The following CSNK2A1 variants were observed in gnomAD, a reference collection of about 807,000 sequenced individuals.
The protein encoded by CSNK2A1 is casein kinase II subunit alpha.
In CSNK2A1, 10 loss-of-function variants were observed where a neutral mutation model predicts 62.9. That is an observed-to-expected ratio of 0.16 (90% CI 0.10 to 0.27). The LOEUF (loss-of-function observed/expected upper bound fraction) is 0.27, where lower values mean the gene tolerates loss of function less well. Ranked by LOEUF, CSNK2A1 falls within the 10% of genes least tolerant of loss-of-function variation. CSNK2A1 has a pLI of 1.00. For missense variants in CSNK2A1, 160 were observed against 492.0 expected (o/e 0.33, Z 6.38); for synonymous variants, 124 against 167.8 (o/e 0.74, Z 2.02).
intron 6 of CSNK2A1, 101 bp from the exon 7 acceptor site, chr20:497,881 T>C (rs1380884584): frequency 9.5e-7 from 1 of 1,047,410 alleles, no homozygotes; most frequent in Non-Finnish European, 1.4e-6. Flanking sequence ...TCATTTACCG[T>C]TGTTCCAAGA....
intron 1 of CSNK2A1, among the ~76,000 whole-genome samples, chr20:537,194 A>C (rs2019351059): frequency 6.6e-6 from 1 of 152,234 alleles, no homozygotes; most frequent in Non-Finnish European, 1.5e-5. Flanking sequence ...ATATAAGGGC[A>C]TTTAAGATGT....
chr20:508,704 A>C, intron 2 of CSNK2A1, 44 bp from the exon 3 acceptor site: 1 of 653,314 alleles, frequency 1.5e-6, no homozygotes, highest in Non-Finnish European at 2.6e-6. Context: ...CATTTACAGA[A>C]GGTATATGGG....
chr20:533,744 C>T (rs550699551), intron 1 of CSNK2A1, among the ~76,000 whole-genome samples: 1 of 152,298 alleles, frequency 6.6e-6, no homozygotes, highest in South Asian at 2.1e-4. Flanking sequence ...CCACCTTCAA[C>T]CCAGAAAAGG....
intron 2 of CSNK2A1, among the ~76,000 whole-genome samples, chr20:511,933 T>C (rs563008940): frequency 2.3e-4 from 35 of 152,346 alleles, no homozygotes; most frequent in Non-Finnish European, 5.0e-4. Flanking sequence ...AACCAGCATA[T>C]TGTTTCAACA....
At chr20:514,760 T>C (rs1022498281) in intron 2 of CSNK2A1, among the ~76,000 whole-genome samples, 1 of 152,180 alleles carries the variant, frequency 6.6e-6, no homozygotes, top group African/African-American at 2.4e-5. Context: ...CATTATCTTA[T>C]TTAGAAATAG....
Position 485,090 on chromosome 20 carries a change from AAAAAAAAAAAAAAAAAAAAATATATATAT to A in CSNK2A1, c.1061-1043_1061-1015del, listed in dbSNP as rs1431925943. Among the ~76,000 whole-genome samples the A allele has an allele frequency of 1.4e-3, 60 of 44,262 alleles. 2 individuals are homozygous for A. The highest frequency in any genetic ancestry group is 4.6e-3 in the African/African-American group (56 of 12,106). The allele number at this position is 44,262 out of a possible 152,430, so 29.0% of individuals were successfully genotyped here. On this transcript the variant is annotated intron_variant, in intron 13 of 13. Transcript: ENST00000217244. ...CCAAAAAAAAAAAAAAAAAAAAAAA[AAAAAAAAAAAAAAAAAAAAATATATATAT>A]ATATATATATATATATATGAGAACA...
chr20:480,238 G>T lies in CSNK2A1; in HGVS notation c.*3723C>A, dbSNP rs1056886025. 6.6e-6 allele frequency: 1 copy of T among 150,604 alleles called. No individual in the cohort carries two copies. The highest frequency in any genetic ancestry group is 1.9e-4 in the East Asian group (1 of 5,142). The allele number at this position is 150,604 out of a possible 1,614,324, so 9.3% of individuals were successfully genotyped here. ...GCAACAATACTTCCATTTACTTTGT[G>T]TGTGTGTGTGTGTGTGTGTGGGTGG... On this transcript the variant is annotated 3_prime_UTR_variant, in exon 14 of 14. Transcript: ENST00000217244.
rs1481734483 is a variant in CSNK2A1 at position 475,786 on chromosome 20, GTCTCT to G, written c.*8170_*8174del. ...AAATGTGCTTGTGTGATTCCATTTG[GTCTCT>G]TCTAAGTTTCTGTGATTCATGAGAA... On this transcript the variant is annotated 3_prime_UTR_variant, in exon 14 of 14. Transcript: ENST00000217244. 2 of 152,182 alleles carry G rather than the reference GTCTCT, an allele frequency of 1.3e-5. No homozygotes were observed. The highest frequency in any genetic ancestry group is 2.4e-5 in the African/African-American group (1 of 41,434). The allele number at this position is 152,182 out of a possible 1,614,324, so 9.4% of individuals were successfully genotyped here.
At chr20:525,348 T>C (rs933780690) in intron 2 of CSNK2A1, among the ~76,000 whole-genome samples, 2 of 151,688 alleles carry the variant, frequency 1.3e-5, no homozygotes, top group Non-Finnish European at 2.9e-5. Context: ...CTCGCCTCTA[T>C]AAAAATAAAA....
At chr20:542,622 G>A (rs1160574099) in intron 1 of CSNK2A1, among the ~76,000 whole-genome samples, 1 of 151,794 alleles carries the variant, frequency 6.6e-6, no homozygotes, top group Non-Finnish European at 1.5e-5. Flanking sequence ...TAGTACAGAC[G>A]GGGTTTCACC....
chr20:484,188 T>G (rs1568494913), intron 13 of CSNK2A1, 112 bp from the exon 14 acceptor site: 5 of 865,764 alleles, frequency 5.8e-6, no homozygotes, highest in East Asian at 6.5e-5. Context: ...GAAGACTTCC[T>G]CTTAGCTGGA....
rs746944360 is a variant in CSNK2A1 at position 483,907 on chromosome 20, G to A, written c.*54C>T. 5 of 1,551,974 alleles carry A rather than the reference G, an allele frequency of 3.2e-6. No individual in the cohort carries two copies. The highest frequency in any genetic ancestry group is 4.3e-6 in the Non-Finnish European group (5 of 1,150,418). ...CCCCGCCAGGCGCAAGCTGCATCAA[G>A]GAGAGGGTGGACTCCCCCACCTCTG... On this transcript the variant is annotated 3_prime_UTR_variant, in exon 14 of 14. Transcript: ENST00000217244.
At chr20:533,532 G>A (rs2019254877) in intron 1 of CSNK2A1, among the ~76,000 whole-genome samples, 1 of 152,146 alleles carries the variant, frequency 6.6e-6, no homozygotes, top group Non-Finnish European at 1.5e-5. Context: ...GAACCCAGGA[G>A]GCAGAGGTTG....
chr20:511,289 G>A (rs1218522369), intron 2 of CSNK2A1, among the ~76,000 whole-genome samples: 1 of 152,066 alleles, frequency 6.6e-6, no homozygotes, highest in Non-Finnish European at 1.5e-5. Flanking sequence ...ACAGTGAGCT[G>A]TGATTGCACC....
At chr20:496,730 G>C (rs1461467752) in intron 7 of CSNK2A1, 1 of 152,208 alleles carries the variant, frequency 6.6e-6, no homozygotes, top group Non-Finnish European at 1.5e-5. Flanking sequence ...TGTTTAGTAA[G>C]AAAGCTTAGC....
At position 473,343 on chromosome 20, in the gene CSNK2A1, C is replaced by T. The variant is rs928257895; in HGVS notation, c.*10618G>A. 1.1e-4 allele frequency: 17 copies of T among 152,526 alleles called. No individual in the cohort carries two copies. Among genetic ancestry groups the T allele is most frequent in the African/African-American group, 4.1e-4 (17 of 41,452 alleles). 9.4% of individuals were successfully genotyped at this position (152,526 alleles called of 1,614,324 possible). A position where few individuals can be genotyped will look rare whatever the true frequency, so the allele number is the denominator to read the frequency against. ...TCAGTCTCTGTCAGGCCCTTTGTGT[C>T]TCTGATTTTGGGGTTATGTCCTCCT... On this transcript the variant is annotated 3_prime_UTR_variant, in exon 14 of 14. Coordinates refer to ENST00000217244, the MANE Select transcript of CSNK2A1 (RefSeq NM_177559.3).
At chr20:485,034 C>T (rs2018042051) in intron 13 of CSNK2A1, among the ~76,000 whole-genome samples, 1 of 119,168 alleles carries the variant, frequency 8.4e-6, no homozygotes, top group South Asian at 3.0e-4. Flanking sequence ...CCACTGCACT[C>T]CAGCCTTGGC....
intron 1 of CSNK2A1, among the ~76,000 whole-genome samples, chr20:529,081 C>T (rs2019156936): frequency 6.6e-6 from 1 of 152,164 alleles, no homozygotes; most frequent in Non-Finnish European, 1.5e-5. Context: ...CACTCAGTCA[C>T]CCAGGCTGGA....
intron 7 of CSNK2A1, among the ~76,000 whole-genome samples, chr20:497,158 T>C (rs1053994812): frequency 7.9e-5 from 12 of 152,196 alleles, no homozygotes; most frequent in African/African-American, 2.2e-4. Context: ...TTAATTTTTA[T>C]TTATTTATGT....
Sources: allele counts gnomAD v4.1 joint callset (sites outside exome capture counted in the v4.1 genomes callset), GRCh38; gene constraint gnomAD v4.1.1; transcripts MANE v1.5; gene names NCBI Gene and HGNC (gene_info 2026-07-23, HGNC 2026-07-21).